The following SCAPER variants were observed in gnomAD, a reference collection of about 807,000 sequenced individuals.
SCAPER encodes the protein S phase cyclin A-associated protein in the endoplasmic reticulum.
In SCAPER, 98 loss-of-function variants were observed where a neutral mutation model predicts 182.2. The observed-to-expected ratio is 0.54, with a 90% CI of 0.46 to 0.64. The LOEUF is 0.64. SCAPER is among the 30% of genes least tolerant of loss of function. The pLI is 0.00. For synonymous variants in SCAPER, 605 were observed against 564.6 expected (o/e 1.07, Z -1.01); for missense variants, 1,432 against 1,690.0 (o/e 0.85, Z 2.68).
At chr15:76,846,284 CAA>C (rs2070077058) in intron 4 of SCAPER, among the ~76,000 whole-genome samples, 2 of 149,944 alleles carry the variant, frequency 1.3e-5, no homozygotes, top group Non-Finnish European at 3.0e-5. Context: ...CTGGTCTGGG[CAA>C]AAATTTCTTG....
intron 1 of SCAPER, among the ~76,000 whole-genome samples, chr15:76,899,816 G>A (rs1005369914): frequency 2.0e-5 from 3 of 152,140 alleles, no homozygotes; most frequent in East Asian, 1.9e-4. Context: ...CGGCCGCCCC[G>A]TCTGGGAAGT....
intron 27 of SCAPER, among the ~76,000 whole-genome samples, chr15:76,392,718 G>A (rs1402420442): frequency 6.6e-6 from 1 of 152,150 alleles, no homozygotes; most frequent in East Asian, 1.9e-4. Context: ...TCTTCTGCAC[G>A]CTGCCACAGG....
intron 21 of SCAPER, among the ~76,000 whole-genome samples, chr15:76,635,357 G>A (rs944115821): frequency 8.5e-5 from 13 of 152,124 alleles, no homozygotes; most frequent in African/African-American, 3.1e-4. Flanking sequence ...GGAAACCAGA[G>A]TACAGGGAAA....
Position 76,641,940 on chromosome 15 carries a change from C to G in SCAPER, c.2646-20111G>C. On this transcript the variant is annotated intron_variant, in intron 21 of 31. Coordinates refer to ENST00000563290, the MANE Select transcript of SCAPER (RefSeq NM_020843.4). The stretch of plus-strand genomic sequence containing the variant: ...TATGGACACTAAAGACACAGACAGA[C>G]TTGATTTTAATTCTACCAATTAATA... 1.3e-5 allele frequency among the ~76,000 whole-genome samples: 2 copies of G among 152,138 alleles called. 1 individual carries two copies.
intron 10 of SCAPER, among the ~76,000 whole-genome samples, chr15:76,771,524 A>G (rs1568079886): frequency 1.3e-5 from 2 of 152,178 alleles, no homozygotes; most frequent in Non-Finnish European, 2.9e-5. Context: ...GATTTTGAAC[A>G]AGTCACTTAA....
intron 5 of SCAPER, among the ~76,000 whole-genome samples, chr15:76,807,455 C>T (rs1011345561): frequency 6.6e-6 from 1 of 152,216 alleles, no homozygotes; most frequent in Non-Finnish European, 1.5e-5. Context: ...TTTGCTATTA[C>T]TCTGTTGAGA....
chr15:76,431,403 A>G (rs1460060680), intron 26 of SCAPER, among the ~76,000 whole-genome samples: 1 of 152,110 alleles, frequency 6.6e-6, no homozygotes, highest in African/African-American at 2.4e-5. Flanking sequence ...AACAAATAAA[A>G]TAATAAGAAT....
At chr15:76,830,549 T>C (rs1015730359) in intron 5 of SCAPER, among the ~76,000 whole-genome samples, 1 of 151,914 alleles carries the variant, frequency 6.6e-6, no homozygotes, top group African/African-American at 2.4e-5. Flanking sequence ...AAGGAATTAA[T>C]CCATTGGATA....
intron 26 of SCAPER, among the ~76,000 whole-genome samples, chr15:76,429,676 G>A (rs1192442872): frequency 6.6e-6 from 1 of 151,788 alleles, no homozygotes; most frequent in Admixed American, 6.6e-5. Flanking sequence ...AGCATTCAAG[G>A]GGTGACTTGG....
chr15:76,723,979 T>C (rs1415385640), intron 17 of SCAPER, among the ~76,000 whole-genome samples: 3 of 152,212 alleles, frequency 2.0e-5, no homozygotes, highest in Non-Finnish European at 4.4e-5. Flanking sequence ...TGTTAGCTGG[T>C]TATTTTGCTC....
chr15:76,639,202 T>A (rs950267994), intron 21 of SCAPER, among the ~76,000 whole-genome samples: 1 of 152,226 alleles, frequency 6.6e-6, no homozygotes. Flanking sequence ...AAGGACTGTG[T>A]TAGTTCAGAA....
chr15:76,397,308 G>C (rs764727695), intron 27 of SCAPER, among the ~76,000 whole-genome samples: 8 of 151,914 alleles, frequency 5.3e-5, no homozygotes, highest in Non-Finnish European at 8.8e-5. Flanking sequence ...CTCTGATTTT[G>C]ACATCAGAGT....
chr15:76,390,313 C>T (rs532245508), intron 27 of SCAPER, among the ~76,000 whole-genome samples: 3 of 152,052 alleles, frequency 2.0e-5, no homozygotes, highest in African/African-American at 4.8e-5. Context: ...ATGATGAAAA[C>T]GGAATGGACA....
chr15:76,752,316 G>A (rs2062138940), intron 15 of SCAPER, among the ~76,000 whole-genome samples: 1 of 151,758 alleles, frequency 6.6e-6, no homozygotes, highest in Non-Finnish European at 1.5e-5. Context: ...GTAGAAAACA[G>A]CATGGTGATT....
intron 6 of SCAPER, among the ~76,000 whole-genome samples, chr15:76,800,782 T>C (rs571861822): frequency 6.6e-6 from 1 of 152,228 alleles, no homozygotes; most frequent in African/African-American, 2.4e-5. Context: ...AGAGAAAGAA[T>C]ACGGTAAGGG....
At chr15:76,901,514 A>G (rs1210282125) in intron 1 of SCAPER, among the ~76,000 whole-genome samples, 1 of 152,238 alleles carries the variant, frequency 6.6e-6, no homozygotes, top group Non-Finnish European at 1.5e-5. Context: ...GGTAACTTTT[A>G]TGAAATAATA....
At chr15:76,683,947 A>T (rs2057884080) in intron 20 of SCAPER, among the ~76,000 whole-genome samples, 1 of 152,178 alleles carries the variant, frequency 6.6e-6, no homozygotes, top group Non-Finnish European at 1.5e-5. Flanking sequence ...AATTAAAAAG[A>T]ATTTCACATG....
chr15:76,538,337 C>T (rs1234531488), intron 23 of SCAPER, among the ~76,000 whole-genome samples: 2 of 148,804 alleles, frequency 1.3e-5, no homozygotes, highest in Non-Finnish European at 3.0e-5. Context: ...CAATGATAGA[C>T]TGGATTAAGA....
At position 76,833,269 on chromosome 15, in the gene SCAPER, G is replaced by A. The variant is rs144600658; in HGVS notation, c.393+8465C>T. 2.6e-4 allele frequency among the ~76,000 whole-genome samples: 40 copies of A among 152,220 alleles called. No individual in the cohort carries two copies. In the East Asian group the frequency reaches 7.3e-3, roughly 28 times the overall value. The stretch of plus-strand genomic sequence containing the variant: ...ATTCCAACCAAGAATTTCATATCCA[G>A]CCAAACTAAGCTTCATAAGCAAAGG... On this transcript the variant is annotated intron_variant, in intron 5 of 31. Coordinates refer to ENST00000563290, the MANE Select transcript of SCAPER (RefSeq NM_020843.4).
Sources: gnomAD v4.1 joint callset for allele counts (sites outside exome capture counted in the v4.1 genomes callset) on GRCh38, gnomAD v4.1.1 for gene constraint, MANE v1.5 for transcripts, NCBI Gene and HGNC (gene_info 2026-07-23, HGNC 2026-07-21) for gene names.